TMEFF2: variants seen among roughly 807,000 people sequenced by gnomAD.
The protein encoded by TMEFF2 is transmembrane protein with EGF like and two follistatin like domains 2, also known as tomoregulin-2.
TMEFF2 carries 28 observed loss-of-function variants against 53.8 expected under a neutral mutation model. The ratio of observed to expected loss-of-function variants is 0.52; its 90% confidence interval spans 0.39 to 0.71. The LOEUF is 0.71. Among genes scored for constraint, TMEFF2 ranks in the 30% least tolerant of loss-of-function variants. TMEFF2 has a pLI of 0.00. For synonymous variants in TMEFF2, 162 were observed against 166.3 expected, an observed-to-expected ratio of 0.97 and a Z score of 0.20; for missense variants, 353 against 455.2, an observed-to-expected ratio of 0.78 and a Z score of 2.04.
intron 4 of TMEFF2, among the ~76,000 whole-genome samples, chr2:192,120,474 C>G (rs1689523694): frequency 6.6e-6 from 1 of 152,240 alleles, no homozygotes; most frequent in South Asian, 2.1e-4. Flanking sequence ...ACAGCTTTTC[C>G]CCTAAACCTG....
intron 4 of TMEFF2, among the ~76,000 whole-genome samples, chr2:192,066,419 T>A (rs761168254): frequency 1.4e-4 from 22 of 151,798 alleles, no homozygotes; most frequent in Non-Finnish European, 2.7e-4. Flanking sequence ...CGGTTTACGG[T>A]TCTAAAATCC....
At position 192,044,872 on chromosome 2, in the gene TMEFF2, C is replaced by A. The variant is rs954333669; in HGVS notation, c.536+12807G>T. Among the ~76,000 whole-genome samples, 3 of 152,292 alleles carry A rather than the reference C, an allele frequency of 2.0e-5. No individual in the cohort carries two copies. In the South Asian group the frequency reaches 6.2e-4, roughly 32 times the overall value. Reference sequence around the variant, plus strand: ...AAGTTACTATTTGACCTGAGCTTCCCACCATGAACTGAGTGTTGTCTTACT... The same window carrying A: ...AAGTTACTATTTGACCTGAGCTTCCAACCATGAACTGAGTGTTGTCTTACT... On this transcript the variant is annotated intron_variant, in intron 5 of 9. Coordinates refer to ENST00000272771, the MANE Select transcript of TMEFF2 (RefSeq NM_016192.4).
chr2:192,162,024 AAAAAG>A (rs1690646569), intron 4 of TMEFF2, among the ~76,000 whole-genome samples: 1 of 152,166 alleles, frequency 6.6e-6, no homozygotes, highest in Non-Finnish European at 1.5e-5. Flanking sequence ...CTTGAAGAAG[AAAAAG>A]GAATAGAAGG....
intron 2 of TMEFF2, among the ~76,000 whole-genome samples, chr2:192,187,687 A>T (rs944817461): frequency 6.6e-6 from 1 of 152,160 alleles, no homozygotes; most frequent in Non-Finnish European, 1.5e-5. Flanking sequence ...CTCAGGGGAG[A>T]AAGTGATTCT....
At chr2:191,989,418 C>T (rs1686052502) in intron 7 of TMEFF2, among the ~76,000 whole-genome samples, 1 of 152,054 alleles carries the variant, frequency 6.6e-6, no homozygotes. Context: ...GCAGTGGAAT[C>T]CCTATTGTGT....
In TMEFF2 at chr2:192,057,768, T is replaced by C; in HGVS notation, c.447A>G (p.Glu149=). ...AGSGSGDGVH[E]GSGETSQKET... Reference sequence around the variant, plus strand: ...CCTTTTGACTAGTTTCTCCAGAGCCTTCATGGACTGTAGGACAGAAAAACA... The same window carrying C: ...CCTTTTGACTAGTTTCTCCAGAGCCCTCATGGACTGTAGGACAGAAAAACA... Residue 149 remains glutamate (E), a synonymous_variant, in exon 5 of 10, where the codon GAA becomes GAG. Coordinates refer to ENST00000272771, the MANE Select transcript of TMEFF2 (RefSeq NM_016192.4). 1 of 1,613,562 alleles carries C rather than the reference T, an allele frequency of 6.2e-7. No homozygotes were observed. The highest frequency in any genetic ancestry group is 8.5e-7 in the Non-Finnish European group (1 of 1,179,514).
chr2:191,972,148 G>T (rs202008431), intron 7 of TMEFF2, among the ~76,000 whole-genome samples: 56 of 136,528 alleles, frequency 4.1e-4, no homozygotes, highest in Non-Finnish European at 6.0e-4. Flanking sequence ...GTGTTTTTTT[G>T]TTTTTTTTTT....
intron 4 of TMEFF2, among the ~76,000 whole-genome samples, chr2:192,075,891 A>T (rs929714462): frequency 6.6e-6 from 1 of 152,130 alleles, no homozygotes; most frequent in East Asian, 1.9e-4. Context: ...TGTATTCTGT[A>T]CTTGAGGAAG....
At chr2:191,961,627 A>T (rs973576523) in intron 7 of TMEFF2, among the ~76,000 whole-genome samples, 1 of 152,204 alleles carries the variant, frequency 6.6e-6, no homozygotes, top group Non-Finnish European at 1.5e-5. Flanking sequence ...ACAGAAATAA[A>T]TTATAAATAC....
At chr2:192,061,049 G>T (rs951537429) in intron 4 of TMEFF2, among the ~76,000 whole-genome samples, 1 of 152,114 alleles carries the variant, frequency 6.6e-6, no homozygotes, top group Admixed American at 6.6e-5. Flanking sequence ...AGATCTCTCT[G>T]CCCTGGTAAT....
chr2:192,161,256 C>T (rs767859942), intron 4 of TMEFF2, among the ~76,000 whole-genome samples: 2 of 152,094 alleles, frequency 1.3e-5, no homozygotes, highest in African/African-American at 2.4e-5. Flanking sequence ...GCAACCTCCG[C>T]CTTCCGTGTT....
At chr2:192,192,253 C>G (rs1691480024) in intron 1 of TMEFF2, among the ~76,000 whole-genome samples, 1 of 151,852 alleles carries the variant, frequency 6.6e-6, no homozygotes, top group Non-Finnish European at 1.5e-5. Flanking sequence ...TGCGTTAATA[C>G]TGACAGTGGT....
intron 4 of TMEFF2, among the ~76,000 whole-genome samples, chr2:192,114,087 TG>T (rs1689345528): frequency 6.6e-6 from 1 of 150,544 alleles, no homozygotes; most frequent in African/African-American, 2.5e-5. Flanking sequence ...TGTGTGTGTG[TG>T]TGTGTGTGTG....
chr2:192,165,436 C>T (rs1001826224), intron 4 of TMEFF2, among the ~76,000 whole-genome samples: 3 of 152,092 alleles, frequency 2.0e-5, no homozygotes, highest in African/African-American at 7.2e-5. Context: ...ATAGTACGTA[C>T]TCATTATAAG....
chr2:191,984,695 C>T (rs1480546614), intron 7 of TMEFF2, among the ~76,000 whole-genome samples: 1 of 151,824 alleles, frequency 6.6e-6, no homozygotes, highest in African/African-American at 2.4e-5. Flanking sequence ...ATGTTGAGCC[C>T]AATAAACTCG....
chr2:192,074,961 T>C (rs559043855), intron 4 of TMEFF2, among the ~76,000 whole-genome samples: 2 of 151,756 alleles, frequency 1.3e-5, no homozygotes, highest in Admixed American at 1.3e-4. Context: ...TTTTTGTATA[T>C]ATTTCTCTTG....
At chr2:192,132,935 G>A (rs144945620) in intron 4 of TMEFF2, among the ~76,000 whole-genome samples, 58 of 152,262 alleles carry the variant, frequency 3.8e-4, no homozygotes, top group African/African-American at 1.3e-3. Context: ...CATCACAAAC[G>A]CCAAGCTTCG....
At chr2:192,055,799 A>AG (rs34685861) in intron 5 of TMEFF2, among the ~76,000 whole-genome samples, 1 of 144,232 alleles carries the variant, frequency 6.9e-6, no homozygotes, top group Non-Finnish European at 1.5e-5. Flanking sequence ...AAAAAAAAAA[A>AG]GAAGCGAGAC....
At chr2:192,046,560 C>T (rs1464623989) in intron 5 of TMEFF2, among the ~76,000 whole-genome samples, 1 of 152,086 alleles carries the variant, frequency 6.6e-6, no homozygotes, top group Non-Finnish European at 1.5e-5. Flanking sequence ...ATGGAACTGT[C>T]ACCTTCCACT....
Sources: gnomAD v4.1 joint callset for allele counts (sites outside exome capture counted in the v4.1 genomes callset) on GRCh38, gnomAD v4.1.1 for gene constraint, MANE v1.5 for transcripts, NCBI Gene and HGNC (gene_info 2026-07-23, HGNC 2026-07-21) for gene names.